Variants in FKBP14 observed in about 807,000 individuals in gnomAD.
FKBP14 encodes the protein FKBP prolyl isomerase 14, also known as peptidyl-prolyl cis-trans isomerase FKBP14.
Under a neutral mutation model 21.6 loss-of-function variants are expected in FKBP14, and 20 were observed. That is an observed-to-expected ratio of 0.92 (90% CI 0.65 to 1.34). The LOEUF is 1.34. Among genes scored for constraint, FKBP14 ranks in the 40% most tolerant of loss-of-function variants. FKBP14 has a pLI of 0.00. For missense variants in FKBP14, 253 were observed against 249.0 expected (o/e 1.02, Z -0.11); for synonymous variants, 79 against 86.7 (o/e 0.91, Z 0.49).
In FKBP14 at chr7:30,019,037, C is replaced by G. The variant is rs1367738754; in HGVS notation, c.436G>C (p.Glu146Gln). 1 of 1,606,576 alleles carries G rather than the reference C, an allele frequency of 6.2e-7. No individual in the cohort carries two copies. The highest frequency in any genetic ancestry group is 2.3e-5 in the East Asian group (1 of 44,196). ...NGPRSHESFQ[E>Q]MDLNDDWKLS... ...TTCCAGTCATCATTAAGATCCATTTCTTGGAATGATTCATGGGATCTTGGT... is the reference window on the plus strand; with the variant it reads ...TTCCAGTCATCATTAAGATCCATTTGTTGGAATGATTCATGGGATCTTGGT... Residue 146 changes from glutamate (E) to glutamine (Q), a missense_variant, in exon 3 of 4, where the codon GAA (glutamate) becomes CAA (glutamine). Coordinates refer to ENST00000222803, the MANE Select transcript of FKBP14 (RefSeq NM_017946.4).
chr7:30,015,468 CTA>C (rs1036682289), intron 3 of FKBP14, among the ~76,000 whole-genome samples: 3 of 150,304 alleles, frequency 2.0e-5, no homozygotes, highest in African/African-American at 4.9e-5. Context: ...ATAGCTCTCT[CTA>C]TATATATATT....
chr7:30,022,761 G>A lies in FKBP14; in HGVS notation c.253C>T (p.Leu85Phe). ...IWFTLGILEA[L>F]KGWDQGLKGM... ...TTCAAGCCCTGGTCCCAACCTTTGA[G>A]AGCCTCCAGGATGCCCAGGGTAAAC... is the stretch of plus-strand genomic sequence containing the variant. The change falls in exon 2 of 4, where the codon CTC (leucine) becomes TTC (phenylalanine). Residue 85 changes from leucine to phenylalanine, a missense_variant. By Grantham distance (22) the Leu-to-Phe change is conservative. Transcript: ENST00000222803. The A allele has an allele frequency of 6.2e-7, 1 of 1,614,108 alleles. No individual in the cohort carries two copies. The highest frequency in any genetic ancestry group is 8.5e-7 in the Non-Finnish European group (1 of 1,180,016).
In FKBP14 at chr7:30,024,403, G is replaced by T. The variant is rs114153703; in HGVS notation, c.198-1587C>A. Among the ~76,000 whole-genome samples the T allele has an allele frequency of 7.2e-3, 1,102 of 152,260 alleles. 17 individuals carry two copies. Among genetic ancestry groups the T allele is most frequent in the African/African-American group, 0.026 (1,061 of 41,564 alleles). ...GTGCTTACAAACTGATCATTTGATG[G>T]TATTTCTTTTTCTTCAGAGCGGAGT... On this transcript the variant is annotated intron_variant, in intron 1 of 3. Coordinates refer to ENST00000222803, the MANE Select transcript of FKBP14 (RefSeq NM_017946.4).
At chr7:30,006,470 T>A (rs978277712), downstream of FKBP14, among the ~76,000 whole-genome samples, 1 of 151,950 alleles carries the variant, frequency 6.6e-6, no homozygotes, top group Middle Eastern at 3.2e-3. Flanking sequence ...GCTTGAACAT[T>A]CTTCTACAGG....
downstream of FKBP14, among the ~76,000 whole-genome samples, chr7:30,010,142 C>T (rs966838958): frequency 3.3e-5 from 5 of 152,222 alleles, no homozygotes; most frequent in East Asian, 5.8e-4. Context: ...CATTGTTTCT[C>T]GTTATTTTCA....
chr7:30,008,911 G>T (rs998333935), downstream of FKBP14, among the ~76,000 whole-genome samples: 1 of 151,198 alleles, frequency 6.6e-6, no homozygotes, highest in African/African-American at 2.4e-5. Context: ...CTTGCAGTGA[G>T]CCAAGATCCT....
At position 30,011,862 on chromosome 7, in the gene FKBP14, T is replaced by C. The variant is rs1213823588; in HGVS notation, c.*2873A>G. 1 of 152,078 alleles carries C rather than the reference T, an allele frequency of 6.6e-6. No homozygotes were observed. Among genetic ancestry groups the C allele is most frequent in the African/African-American group, 2.4e-5 (1 of 41,400 alleles). 9.4% of individuals were successfully genotyped at this position (152,078 alleles called of 1,614,324 possible). On this transcript the variant is annotated 3_prime_UTR_variant, in exon 4 of 4. Coordinates refer to ENST00000222803, the MANE Select transcript of FKBP14 (RefSeq NM_017946.4). Reference sequence around the variant, plus strand: ...GCGTGAACCACTGCACCTGACCAGATTTTTTACAAAATCTTTTATACCATA... The same window carrying C: ...GCGTGAACCACTGCACCTGACCAGACTTTTTACAAAATCTTTTATACCATA...
chr7:30,023,419 T>G (rs1416843655), intron 1 of FKBP14, among the ~76,000 whole-genome samples: 1 of 152,234 alleles, frequency 6.6e-6, no homozygotes, highest in African/African-American at 2.4e-5. Flanking sequence ...TCTTATATCC[T>G]GCCTACAAAC....
chr7:30,017,290 G>A (rs1389715295), intron 3 of FKBP14, among the ~76,000 whole-genome samples: 1 of 152,000 alleles, frequency 6.6e-6, no homozygotes, highest in Non-Finnish European at 1.5e-5. Context: ...TAAATAATAG[G>A]CCGGATGCGG....
rs533098131 is a variant in FKBP14, at chr7:30,017,577, A to C, written c.477+1419T>G. The stretch of plus-strand genomic sequence containing the variant: ...AGTGAGATTCCGTCTAAAAAAAAAA[A>C]AAACAGTAAATAATAGAGATAAAGT... On this transcript the variant is annotated intron_variant, in intron 3 of 3. Transcript: ENST00000222803. Among the ~76,000 whole-genome samples the C allele has an allele frequency of 2.6e-5, 4 of 152,130 alleles. No individual in the cohort carries two copies. In the East Asian group the frequency reaches 5.8e-4, roughly 22 times the overall value.
Position 30,012,201 on chromosome 7 carries a change from A to G in FKBP14, c.*2534T>C, listed in dbSNP as rs1789758535. ...TTATTCCCACTAATAGAAGAGTACA[A>G]AGGTACAGTGAAACCAAAAAAAAGA... is the stretch of plus-strand genomic sequence containing the variant. On this transcript the variant is annotated 3_prime_UTR_variant, in exon 4 of 4. Transcript: ENST00000222803. The G allele has an allele frequency of 6.6e-6, 1 of 152,268 alleles. No homozygotes were observed. Among genetic ancestry groups the G allele is most frequent in the Non-Finnish European group, 1.5e-5 (1 of 68,048 alleles). The allele number at this position is 152,268 out of a possible 1,614,324, so 9.4% of individuals were successfully genotyped here. A position where few individuals can be genotyped will look rare whatever the true frequency, so the allele number is the denominator to read the frequency against.
chr7:30,019,715 G>A (rs534199322), intron 2 of FKBP14, among the ~76,000 whole-genome samples: 1 of 152,174 alleles, frequency 6.6e-6, no homozygotes, highest in East Asian at 1.9e-4. Flanking sequence ...TCAGGAGTCT[G>A]TTGGGAGGAT....
At chr7:30,024,268 A>T (rs929866332) in intron 1 of FKBP14, among the ~76,000 whole-genome samples, 1 of 152,230 alleles carries the variant, frequency 6.6e-6, no homozygotes, top group Non-Finnish European at 1.5e-5. Flanking sequence ...CTAGAAATGA[A>T]AAAAGAAGCA....
rs1790193291 is a variant in FKBP14, at chr7:30,026,676, C to G, written c.-168G>C. 2 of 593,714 alleles carry G rather than the reference C, an allele frequency of 3.4e-6. No homozygotes were observed. The highest frequency in any genetic ancestry group is 2.9e-6 in the Non-Finnish European group (1 of 348,220). 36.8% of individuals were successfully genotyped at this position (593,714 alleles called of 1,614,324 possible). Reference sequence around the variant, plus strand: ...TACCACCAACTCTTTTCTCAAGGGTCACGAACCTACCTTTAAAGAGTTAAG... The same window carrying G: ...TACCACCAACTCTTTTCTCAAGGGTGACGAACCTACCTTTAAAGAGTTAAG... On this transcript the variant is annotated 5_prime_UTR_variant, in exon 1 of 4. Transcript: ENST00000222803.
At chr7:30,017,595 G>T (rs1227641033) in intron 3 of FKBP14, among the ~76,000 whole-genome samples, 1 of 151,440 alleles carries the variant, frequency 6.6e-6, no homozygotes, top group African/African-American at 2.4e-5. Flanking sequence ...AAATAATAGA[G>T]ATAAAGTCTT....
intron 1 of FKBP14, among the ~76,000 whole-genome samples, chr7:30,023,542 G>T (rs188335532): frequency 2.6e-4 from 39 of 152,302 alleles, no homozygotes; most frequent in Non-Finnish European, 4.7e-4. Flanking sequence ...CTACAGTGGG[G>T]CTATATAGGA....
chr7:30,022,843 A>G (rs1790073022), intron 1 of FKBP14, 27 bp from the exon 2 acceptor site: 1 of 1,596,934 alleles, frequency 6.3e-7, no homozygotes, highest in Non-Finnish European at 8.5e-7. Context: ...ACACATTAGA[A>G]CTCCTTATTA....
In FKBP14 at chr7:30,013,103, T is replaced by C. The variant is rs1384839549; in HGVS notation, c.*1632A>G. On this transcript the variant is annotated 3_prime_UTR_variant, in exon 4 of 4. Transcript: ENST00000222803. The stretch of plus-strand genomic sequence containing the variant: ...GCACTTAATATCATTTTGTACACTA[T>C]AAAGGGCTACTCTTAGAAAATGAAG... 6.6e-6 allele frequency: 1 copy of C among 152,020 alleles called. No individual in the cohort carries two copies. Among genetic ancestry groups the C allele is most frequent in the Non-Finnish European group, 1.5e-5 (1 of 67,990 alleles). The allele number at this position is 152,020 out of a possible 1,614,324, so 9.4% of individuals were successfully genotyped here. A position where few individuals can be genotyped will look rare whatever the true frequency, so the allele number is the denominator to read the frequency against.
downstream of FKBP14, among the ~76,000 whole-genome samples, chr7:30,010,000 A>G (rs1318066496): frequency 1.3e-5 from 2 of 152,198 alleles, no homozygotes; most frequent in African/African-American, 4.8e-5. Context: ...CTGTGTCTCA[A>G]CAACAACAAA....
Sources: gnomAD v4.1 joint callset for allele counts (sites outside exome capture counted in the v4.1 genomes callset) on GRCh38, gnomAD v4.1.1 for gene constraint, MANE v1.5 for transcripts, NCBI Gene and HGNC (gene_info 2026-07-23, HGNC 2026-07-21) for gene names.